LRRN2: variants seen among roughly 807,000 people sequenced by gnomAD.
LRRN2 encodes the protein leucine rich repeat neuronal 2.
In LRRN2, 10 loss-of-function variants were observed where a neutral mutation model predicts 35.7. The ratio of observed to expected loss-of-function variants is 0.28; its 90% CI spans 0.17 to 0.47. The LOEUF (loss-of-function observed/expected upper bound fraction) is 0.47. Among genes scored for constraint, LRRN2 ranks in the 20% least tolerant of loss-of-function variants. LRRN2 has a pLI of 0.99. For missense variants in LRRN2, 731 were observed against 940.3 expected, an observed-to-expected ratio of 0.78 and a Z score of 2.91; for synonymous variants, 391 against 409.6, an observed-to-expected ratio of 0.95 and a Z score of 0.55.
intron 1 of LRRN2, among the ~76,000 whole-genome samples, chr1:204,646,387 T>C (rs931431616): frequency 2.6e-5 from 4 of 152,172 alleles, no homozygotes; most frequent in African/African-American, 9.7e-5. Flanking sequence ...AAACTACTCT[T>C]GTTTGAGTTG....
chr1:204,677,281 C>G lies in LRRN2; in HGVS notation c.-227+8039G>C, dbSNP rs78800262. Among the ~76,000 whole-genome samples the G allele has an allele frequency of 3.0e-3, 463 of 152,284 alleles. 1 individual carries two copies. Among genetic ancestry groups the G allele is most frequent in the Admixed American group, 4.6e-3 (71 of 15,308 alleles). ...TCTTCCAGGGGGTTGTGCTGGGGTA[C>G]AGCGGGTGTGCCCCCCTTTCTCATG... On this transcript the variant is annotated intron_variant, in intron 1 of 1. Transcript: ENST00000367177.
chr1:204,652,096 G>A lies in LRRN2; in HGVS notation c.-226-31878C>T, dbSNP rs192321409. Among the ~76,000 whole-genome samples, 4 of 152,288 alleles carry A rather than the reference G, an allele frequency of 2.6e-5. No homozygotes were observed. In the East Asian group the frequency reaches 7.7e-4, roughly 29 times the overall value. ...GTCTTTAATTAGTGAGACAATAGGA[G>A]GCTGGGAAGCAGAGAAGACAAAGGT... On this transcript the variant is annotated intron_variant, in intron 1 of 1. Transcript: ENST00000367177.
chr1:204,631,256 CTATATATATATATATATATATATATATA>C (rs1162626713), intron 1 of LRRN2, among the ~76,000 whole-genome samples: 30 of 36,918 alleles, frequency 8.1e-4, no homozygotes, highest in African/African-American at 1.6e-3. Context: ...CTAGAGTGTT[CTATATATATATATATATATATATATATA>C]TATATATATA....
chr1:204,632,727 G>A (rs1168154785), intron 1 of LRRN2, among the ~76,000 whole-genome samples: 1 of 151,828 alleles, frequency 6.6e-6, no homozygotes, highest in Non-Finnish European at 1.5e-5. Flanking sequence ...GTCAGGAGAT[G>A]GAGACCATCC....
intron 1 of LRRN2, among the ~76,000 whole-genome samples, chr1:204,684,121 G>C (rs1477204276): frequency 6.6e-6 from 1 of 152,172 alleles, no homozygotes; most frequent in Non-Finnish European, 1.5e-5. Context: ...CATCGGCCTG[G>C]GTGCATGGGG....
At chr1:204,624,159 C>G (rs947436028) in intron 1 of LRRN2, among the ~76,000 whole-genome samples, 1 of 152,208 alleles carries the variant, frequency 6.6e-6, no homozygotes, top group Non-Finnish European at 1.5e-5. Flanking sequence ...AGCTCCTCCA[C>G]GCACCTGCCC....
In LRRN2 at chr1:204,685,351, C is replaced by A. The variant is rs1428533311; in HGVS notation, c.-258G>T. 1.3e-5 allele frequency: 2 copies of A among 151,708 alleles called. No homozygotes were observed. The highest frequency in any genetic ancestry group is 4.8e-5 in the African/African-American group (2 of 41,362). 9.4% of individuals were successfully genotyped at this position (151,708 alleles called of 1,614,324 possible). On this transcript the variant is annotated 5_prime_UTR_variant, in exon 1 of 2. Transcript: ENST00000367177. ...GGCGCCGGGCACCGTCTGCCGTCTG[C>A]TGCCCGCGCGGCCGCGCTCCGCTCG...
At chr1:204,638,976 C>A (rs995544398) in intron 1 of LRRN2, among the ~76,000 whole-genome samples, 3 of 152,248 alleles carry the variant, frequency 2.0e-5, no homozygotes, top group Non-Finnish European at 4.4e-5. Context: ...ATGGCCATCG[C>A]CTGGCAGGGC....
chr1:204,624,974 A>C (rs1167749498), intron 1 of LRRN2, among the ~76,000 whole-genome samples: 1 of 152,214 alleles, frequency 6.6e-6, no homozygotes, highest in East Asian at 1.9e-4. Context: ...CCAGTCCTCC[A>C]TCTGCATACC....
intron 1 of LRRN2, among the ~76,000 whole-genome samples, chr1:204,647,090 C>T (rs574540227): frequency 8.6e-5 from 13 of 151,600 alleles, no homozygotes; most frequent in Non-Finnish European, 1.2e-4. Context: ...AGGGGGTGCC[C>T]AAGAACTTGG....
chr1:204,662,902 T>C (rs949871272), intron 1 of LRRN2, among the ~76,000 whole-genome samples: 2 of 152,134 alleles, frequency 1.3e-5, no homozygotes, highest in African/African-American at 4.8e-5. Context: ...CTCCTTTCTG[T>C]TCTCAGGATG....
intron 1 of LRRN2, among the ~76,000 whole-genome samples, chr1:204,674,307 C>A (rs958739605): frequency 5.3e-5 from 8 of 151,968 alleles, no homozygotes; most frequent in Non-Finnish European, 1.5e-5. Context: ...ACTGCCTCCC[C>A]TCCCCTCCCC....
chr1:204,650,755 G>A (rs116094137), intron 1 of LRRN2, among the ~76,000 whole-genome samples: 280 of 152,272 alleles, frequency 1.8e-3, no homozygotes, highest in Non-Finnish European at 3.2e-3. Flanking sequence ...TGCTTCAGGA[G>A]GGCTGGGGAC....
At chr1:204,679,503 T>C (rs1668893284) in intron 1 of LRRN2, among the ~76,000 whole-genome samples, 1 of 152,128 alleles carries the variant, frequency 6.6e-6, no homozygotes, top group African/African-American at 2.4e-5. Context: ...CCCAGGCTGG[T>C]TGCTAATAAT....
intron 1 of LRRN2, among the ~76,000 whole-genome samples, chr1:204,671,417 G>GTGTGTA (rs1204767403): frequency 1.3e-5 from 2 of 150,966 alleles, no homozygotes; most frequent in African/African-American, 4.9e-5. Flanking sequence ...GTGTGTGTGT[G>GTGTGTA]TGTGTGTGTG....
chr1:204,647,614 G>C (rs1668137288), intron 1 of LRRN2, among the ~76,000 whole-genome samples: 1 of 152,188 alleles, frequency 6.6e-6, no homozygotes, highest in African/African-American at 2.4e-5. Flanking sequence ...AACTCCAAAA[G>C]AGCCCAAAGG....
In LRRN2 at chr1:204,673,086, T is replaced by TG. The variant is rs1206837367; in HGVS notation, c.-227+12233dup. On this transcript the variant is annotated intron_variant, in intron 1 of 1. Transcript: ENST00000367177. ...GGGCCCTCCCTCTCCCTCTGTCAGA[T>TG]GATATATGCTTAGAGAATGCACCAG... 2.6e-5 allele frequency among the ~76,000 whole-genome samples: 4 copies of TG among 152,330 alleles called. No individual in the cohort carries two copies. The East Asian group carries it at 7.7e-4, about 29-fold the overall frequency.
chr1:204,676,234 G>GAGAT lies in LRRN2; in HGVS notation c.-227+9082_-227+9085dup, dbSNP rs567813298. On this transcript the variant is annotated intron_variant, in intron 1 of 1. Coordinates refer to ENST00000367177, the MANE Select transcript of LRRN2 (RefSeq NM_201630.2). ...ATGCCAATCTAACAGTCATAAAGGTGAGATAGCATCTTGTCTTTCCACACT... is the reference window on the plus strand; with the variant it reads ...ATGCCAATCTAACAGTCATAAAGGTGAGATAGATAGCATCTTGTCTTTCCACACT... Among the ~76,000 whole-genome samples, 208 of 152,220 alleles carry GAGAT rather than the reference G, an allele frequency of 1.4e-3. 1 individual carries two copies. Among genetic ancestry groups the GAGAT allele is most frequent in the African/African-American group, 4.7e-3 (195 of 41,490 alleles).
intron 1 of LRRN2, among the ~76,000 whole-genome samples, chr1:204,646,458 C>T (rs1207998126): frequency 6.6e-6 from 1 of 152,124 alleles, no homozygotes; most frequent in Non-Finnish European, 1.5e-5. Context: ...AGCAGTGCAG[C>T]CCCTCAGGGA....
Sources: allele counts gnomAD v4.1 joint callset (sites outside exome capture counted in the v4.1 genomes callset), GRCh38; gene constraint gnomAD v4.1.1; transcripts MANE v1.5; gene names NCBI Gene and HGNC (gene_info 2026-07-23, HGNC 2026-07-21).